The following B3GALT1 variants were observed in gnomAD, a reference collection of about 807,000 sequenced individuals.
B3GALT1 encodes UDP-Gal:betaGlcNAc beta 1,3-galactosyltransferase, polypeptide 1.
In B3GALT1, 10 loss-of-function variants were observed where a neutral mutation model predicts 23.2. The observed-to-expected ratio is 0.43, with a 90% CI of 0.27 to 0.73. B3GALT1 has a LOEUF of 0.73. Ranked by LOEUF, B3GALT1 falls within the 30% of genes least tolerant of loss-of-function variation. The pLI is 0.21. For synonymous variants in B3GALT1, 156 were observed against 141.5 expected (o/e 1.10, Z -0.73); for missense variants, 299 against 405.4 (o/e 0.74, Z 2.25).
chr2:167,330,198 G>A (rs564787791), intron 1 of B3GALT1, among the ~76,000 whole-genome samples: 1 of 151,484 alleles, frequency 6.6e-6, no homozygotes, highest in African/African-American at 2.5e-5. Context: ...CAAAGGCATT[G>A]CTCATTCTTT....
chr2:167,367,209 A>T (rs1332912342), intron 1 of B3GALT1, among the ~76,000 whole-genome samples: 1 of 152,228 alleles, frequency 6.6e-6, no homozygotes, highest in African/African-American at 2.4e-5. Context: ...TTAATGGCAA[A>T]TATTACTTCC....
At chr2:167,521,984 GTA>G (rs550521896) in intron 2 of B3GALT1, among the ~76,000 whole-genome samples, 1,257 of 122,542 alleles carry the variant, frequency 0.01, 10 homozygotes, top group Middle Eastern at 0.023. Flanking sequence ...GTGTGTGTGT[GTA>G]TATATATATA....
chr2:167,370,091 AT>A (rs928502490), intron 1 of B3GALT1, among the ~76,000 whole-genome samples: 43 of 151,908 alleles, frequency 2.8e-4, no homozygotes, highest in African/African-American at 9.7e-4. Context: ...AGTTACTCTT[AT>A]TTTTTTTAAG....
At chr2:167,532,876 T>G (rs1202231832) in intron 2 of B3GALT1, among the ~76,000 whole-genome samples, 8 of 147,882 alleles carry the variant, frequency 5.4e-5, no homozygotes, top group Middle Eastern at 3.5e-3. Flanking sequence ...TTTTTTTTTT[T>G]GGGAGACAGA....
chr2:167,858,548 T>C (rs1256023055), intron 4 of B3GALT1, among the ~76,000 whole-genome samples: 1 of 152,136 alleles, frequency 6.6e-6, no homozygotes. Context: ...ATTTGATCTT[T>C]ACAGTGATCC....
intron 1 of B3GALT1, among the ~76,000 whole-genome samples, chr2:167,398,238 A>G (rs1559084877): frequency 6.6e-6 from 1 of 152,152 alleles, no homozygotes; most frequent in South Asian, 2.1e-4. Context: ...TCAGGATCCA[A>G]GGAAAGACCA....
At chr2:167,559,577 T>G (rs1683928751) in intron 2 of B3GALT1, among the ~76,000 whole-genome samples, 1 of 152,130 alleles carries the variant, frequency 6.6e-6, no homozygotes, top group African/African-American at 2.4e-5. Context: ...GACGAATGTA[T>G]AGCTGGAATA....
intron 3 of B3GALT1, among the ~76,000 whole-genome samples, chr2:167,726,042 G>C (rs1464999040): frequency 6.6e-6 from 1 of 152,202 alleles, no homozygotes; most frequent in Non-Finnish European, 1.5e-5. Flanking sequence ...CTTTAAGACA[G>C]AGATATGTTG....
At chr2:167,528,293 T>C (rs1683256105) in intron 2 of B3GALT1, among the ~76,000 whole-genome samples, 2 of 152,188 alleles carry the variant, frequency 1.3e-5, no homozygotes, top group Admixed American at 1.3e-4. Flanking sequence ...TCAGAGACTT[T>C]GCATTTTGTA....
At chr2:167,340,732 A>G (rs1170958845) in intron 1 of B3GALT1, among the ~76,000 whole-genome samples, 2 of 152,170 alleles carry the variant, frequency 1.3e-5, no homozygotes, top group Non-Finnish European at 2.9e-5. Context: ...TCTTCTCTAG[A>G]CAAAGTGATC....
chr2:167,364,680 A>G (rs1209126899), intron 1 of B3GALT1, among the ~76,000 whole-genome samples: 1 of 152,104 alleles, frequency 6.6e-6, no homozygotes, highest in African/African-American at 2.4e-5. Context: ...ATCCTTTTTT[A>G]TGGCTGCATA....
chr2:167,866,967 C>G (rs779840045), intron 4 of B3GALT1, among the ~76,000 whole-genome samples: 4 of 152,074 alleles, frequency 2.6e-5, no homozygotes, highest in African/African-American at 9.6e-5. Context: ...CACTTTGTCG[C>G]CCAGGCTGGA....
intron 1 of B3GALT1, among the ~76,000 whole-genome samples, chr2:167,400,658 T>C (rs1574064352): frequency 6.6e-6 from 1 of 152,112 alleles, no homozygotes; most frequent in East Asian, 1.9e-4. Flanking sequence ...TTATTCACTG[T>C]TGTAGACTTA....
intron 3 of B3GALT1, among the ~76,000 whole-genome samples, chr2:167,703,026 G>A (rs1428359227): frequency 6.6e-6 from 1 of 152,184 alleles, no homozygotes; most frequent in African/African-American, 2.4e-5. Context: ...TATTTCTAGA[G>A]AGTGAATGCT....
chr2:167,337,958 A>G (rs577819897), intron 1 of B3GALT1, among the ~76,000 whole-genome samples: 1 of 152,264 alleles, frequency 6.6e-6, no homozygotes, highest in South Asian at 2.1e-4. Context: ...CCTTCCCTTC[A>G]CTGACACATG....
chr2:167,556,466 C>T (rs991993933), intron 2 of B3GALT1, among the ~76,000 whole-genome samples: 1 of 152,054 alleles, frequency 6.6e-6, no homozygotes, highest in African/African-American at 2.4e-5. Context: ...TAAAAATGGA[C>T]TATAAGGACA....
At chr2:167,825,775 G>A (rs1689210049) in intron 4 of B3GALT1, among the ~76,000 whole-genome samples, 1 of 152,166 alleles carries the variant, frequency 6.6e-6, no homozygotes, top group Non-Finnish European at 1.5e-5. Context: ...TGGGCAGGGA[G>A]TCTGTGCCAC....
intron 2 of B3GALT1, among the ~76,000 whole-genome samples, chr2:167,507,464 C>G (rs1699935889): frequency 7.0e-6 from 1 of 142,620 alleles, no homozygotes; most frequent in African/African-American, 2.6e-5. Flanking sequence ...CAAGATCGCG[C>G]CACTGCACTC....
At chr2:167,739,912 A>C (rs1313586887) in intron 3 of B3GALT1, among the ~76,000 whole-genome samples, 1 of 147,826 alleles carries the variant, frequency 6.8e-6, no homozygotes, top group Non-Finnish European at 1.5e-5. Flanking sequence ...GCAACACAGT[A>C]AGAAGTTGTC....
Sources: allele counts gnomAD v4.1 joint callset (sites outside exome capture counted in the v4.1 genomes callset), GRCh38; gene constraint gnomAD v4.1.1; transcripts MANE v1.5; gene names NCBI Gene and HGNC (gene_info 2026-07-23, HGNC 2026-07-21).